Variants in TAB2 observed in about 807,000 individuals in gnomAD.
TAB2 encodes TGF-beta activated kinase 1 (MAP3K7) binding protein 2, also known as TGF-beta-activated kinase 1 and MAP3K7-binding protein 2.
In TAB2, 3 loss-of-function variants were observed where a neutral mutation model predicts 65.0. That is an observed-to-expected ratio of 0.05 (90% CI 0.02 to 0.12). The LOEUF (loss-of-function observed/expected upper bound fraction) is 0.12, where lower values mean the gene tolerates loss of function less well. Ranked by LOEUF, TAB2 falls within the 10% of genes least tolerant of loss-of-function variation. The pLI is 1.00. For synonymous variants in TAB2, 298 were observed against 285.1 expected, an observed-to-expected ratio of 1.05 and a Z score of -0.46; for missense variants, 623 against 840.3, an observed-to-expected ratio of 0.74 and a Z score of 3.20.
Position 149,378,632 on chromosome 6 carries a change from T to C in TAB2, c.717T>C (p.Phe239=), listed in dbSNP as rs757340629. 1.2e-6 allele frequency: 2 copies of C among 1,613,272 alleles called. No individual in the cohort carries two copies. Among genetic ancestry groups the C allele is most frequent in the Non-Finnish European group, 1.7e-6 (2 of 1,180,036 alleles). Residue 239 remains phenylalanine (F), a synonymous_variant, in exon 3 of 7, where the codon TTT becomes TTC. Transcript: ENST00000637181. The part of the protein sequence containing the change: ...TQQHSGWVSQ[F]NPMNPQQVYQ... ...AGCATTCTGGCTGGGTATCTCAGTT[T>C]AATCCCATGAACCCTCAGCAAGTTT...
chr6:149,223,681 C>T (rs1288311418), intron 1 of TAB2, among the ~76,000 whole-genome samples: 1 of 152,164 alleles, frequency 6.6e-6, no homozygotes, highest in Non-Finnish European at 1.5e-5. Context: ...GTTGTTTCAG[C>T]TGCTTATGTA....
chr6:149,311,405 A>C (rs1779164877), intron 1 of TAB2, among the ~76,000 whole-genome samples: 1 of 152,204 alleles, frequency 6.6e-6, no homozygotes, highest in African/African-American at 2.4e-5. Context: ...AGAGTAACTT[A>C]GTTTCTCTTA....
Position 149,410,073 on chromosome 6 carries a change from G to A in TAB2, c.*354G>A, listed in dbSNP as rs1289469199. The stretch of plus-strand genomic sequence containing the variant: ...CACTACTGAATTTTGACAGGAGGAA[G>A]GAATAGAATGATAGCTTGTTTTATT... On this transcript the variant is annotated 3_prime_UTR_variant, in exon 7 of 7. Transcript: ENST00000637181. The A allele has an allele frequency of 6.7e-6, 2 of 299,012 alleles. No individual in the cohort carries two copies. Among genetic ancestry groups the A allele is most frequent in the Admixed American group, 4.8e-5 (1 of 20,884 alleles). 18.5% of individuals were successfully genotyped at this position (299,012 alleles called of 1,614,324 possible). A position where few individuals can be genotyped will look rare whatever the true frequency, so the allele number is the denominator to read the frequency against.
chr6:149,267,529 G>C (rs942474334), intron 1 of TAB2, among the ~76,000 whole-genome samples: 3 of 152,146 alleles, frequency 2.0e-5, no homozygotes, highest in Admixed American at 1.3e-4. Flanking sequence ...TTAGCTCTAA[G>C]AGGGTAGGGA....
intron 3 of TAB2, among the ~76,000 whole-genome samples, chr6:149,396,644 C>T (rs915104699): frequency 1.3e-5 from 2 of 152,194 alleles, no homozygotes; most frequent in African/African-American, 4.8e-5. Context: ...AGGGACAGAT[C>T]ACAAAAACAT....
intron 1 of TAB2, among the ~76,000 whole-genome samples, chr6:149,368,865 TGAG>T (rs1214381713): frequency 6.6e-6 from 1 of 152,170 alleles, no homozygotes; most frequent in African/African-American, 2.4e-5. Context: ...TATTGAGCAC[TGAG>T]GAGTTCTATA....
At chr6:149,304,461 A>G (rs1055747527) in intron 1 of TAB2, 1 of 153,040 alleles carries the variant, frequency 6.5e-6, no homozygotes, top group Non-Finnish European at 1.5e-5. Flanking sequence ...CTCCATCTGA[A>G]AGTGCCTGCT....
intron 1 of TAB2, among the ~76,000 whole-genome samples, chr6:149,264,218 C>T (rs1433164645): frequency 6.6e-6 from 1 of 152,168 alleles, no homozygotes; most frequent in Non-Finnish European, 1.5e-5. Context: ...GGCACCCTTG[C>T]TTGGAGCAGA....
chr6:149,325,152 C>T (rs933183389), intron 1 of TAB2, among the ~76,000 whole-genome samples: 1 of 152,114 alleles, frequency 6.6e-6, no homozygotes, highest in Non-Finnish European at 1.5e-5. Context: ...GCTTTAAAAC[C>T]AGATGAGCCC....
intron 1 of TAB2, among the ~76,000 whole-genome samples, chr6:149,269,008 C>A (rs1353539816): frequency 6.6e-6 from 1 of 152,190 alleles, no homozygotes; most frequent in African/African-American, 2.4e-5. Context: ...TGCTGTGGAA[C>A]CTTTGCTATT....
At chr6:149,253,952 GAAAGAAAAAGAA>G in intron 1 of TAB2, among the ~76,000 whole-genome samples, 1 of 93,474 alleles carries the variant, frequency 1.1e-5, no homozygotes, top group Non-Finnish European at 2.2e-5. Context: ...GAGAAAGAAA[GAAAGAAAAAGAA>G]AGAAAGAAAG....
intron 6 of TAB2, chr6:149,400,268 C>T (rs891792183): frequency 1.9e-5 from 20 of 1,076,046 alleles, no homozygotes; most frequent in East Asian, 1.5e-4. Flanking sequence ...AGGATGTGCA[C>T]GCACCCTCTC....
At chr6:149,322,123 T>C (rs981870644) in intron 1 of TAB2, among the ~76,000 whole-genome samples, 3 of 152,180 alleles carry the variant, frequency 2.0e-5, no homozygotes, top group African/African-American at 7.2e-5. Context: ...TATTGAGCAC[T>C]TATTATGTGC....
At chr6:149,350,983 C>T (rs947422799) in intron 1 of TAB2, among the ~76,000 whole-genome samples, 2 of 152,114 alleles carry the variant, frequency 1.3e-5, no homozygotes, top group Admixed American at 6.5e-5. Flanking sequence ...CTACCCCCAT[C>T]CTGAGTACCT....
chr6:149,263,347 G>A (rs556603884), intron 1 of TAB2, among the ~76,000 whole-genome samples: 27 of 152,180 alleles, frequency 1.8e-4, no homozygotes, highest in South Asian at 1.0e-3. Flanking sequence ...TATCTATATC[G>A]AAACAATTTT....
At chr6:149,230,739 C>T (rs561500342) in intron 1 of TAB2, among the ~76,000 whole-genome samples, 35 of 152,310 alleles carry the variant, frequency 2.3e-4, no homozygotes, top group African/African-American at 8.4e-4. Context: ...GCCTCCTTGC[C>T]CTACAAGGCC....
chr6:149,378,082 G>T lies in TAB2; in HGVS notation c.167G>T (p.Gly56Val). ...LSQESTRYLY[G>V]EGDLNFSDDS... ...CAGGAGAGTACAAGATATCTTTATG[G>T]TGAAGGAGACTTGAATTTTTCAGAT... The change falls in exon 3 of 7, where the codon GGT (glycine) becomes GTT (valine). Residue 56 changes from glycine (G) to valine (V), a missense_variant. Physicochemically the swap from Gly to Val is moderately radical, Grantham distance 109. Coordinates refer to ENST00000637181, the MANE Select transcript of TAB2 (RefSeq NM_001292034.3). The T allele has an allele frequency of 6.2e-7, 1 of 1,614,128 alleles. No homozygotes were observed. The highest frequency in any genetic ancestry group is 8.5e-7 in the Non-Finnish European group (1 of 1,179,996).
intron 1 of TAB2, among the ~76,000 whole-genome samples, chr6:149,361,490 C>T (rs780554902): frequency 6.6e-6 from 1 of 152,178 alleles, no homozygotes; most frequent in Non-Finnish European, 1.5e-5. Flanking sequence ...GGCCTGGCCA[C>T]CTGAACCATT....
chr6:149,408,822 C>G (rs1435424643), intron 6 of TAB2, among the ~76,000 whole-genome samples: 1 of 152,054 alleles, frequency 6.6e-6, no homozygotes, highest in Non-Finnish European at 1.5e-5. Flanking sequence ...GAACATTGGT[C>G]TCTTAGAGTT....
Sources: gnomAD v4.1 joint callset for allele counts (sites outside exome capture counted in the v4.1 genomes callset) on GRCh38, gnomAD v4.1.1 for gene constraint, MANE v1.5 for transcripts, NCBI Gene and HGNC (gene_info 2026-07-23, HGNC 2026-07-21) for gene names.